Variants in KCNIP4 observed in about 807,000 individuals in gnomAD.
KCNIP4 encodes the protein Kv channel-interacting protein 4.
KCNIP4 carries 12 observed loss-of-function variants against 34.0 expected under a neutral mutation model. The ratio of observed to expected loss-of-function variants is 0.35; its 90% CI spans 0.23 to 0.57. The LOEUF (loss-of-function observed/expected upper bound fraction) is 0.57. KCNIP4 is among the 20% of genes least tolerant of loss of function. The probability of loss-of-function intolerance (pLI) is 0.83; values close to 1 mark genes in which losing one functional copy is unlikely to be tolerated. For missense variants in KCNIP4, 238 were observed against 311.7 expected (o/e 0.76, Z 1.78); for synonymous variants, 124 against 102.2 (o/e 1.21, Z -1.29).
chr4:21,474,383 G>C (rs1730737277), intron 1 of KCNIP4, among the ~76,000 whole-genome samples: 1 of 152,108 alleles, frequency 6.6e-6, no homozygotes, highest in Non-Finnish European at 1.5e-5. Flanking sequence ...ATGTTTTTAT[G>C]CTGACTTTAC....
chr4:21,572,633 CTT>C (rs71655642), intron 1 of KCNIP4, among the ~76,000 whole-genome samples: 15 of 140,644 alleles, frequency 1.1e-4, no homozygotes, highest in Non-Finnish European at 1.1e-4. Context: ...GATCTCTCAT[CTT>C]TTTTTTTTTT....
chr4:21,330,578 T>C (rs1315784694), intron 1 of KCNIP4, among the ~76,000 whole-genome samples: 6 of 152,310 alleles, frequency 3.9e-5, no homozygotes. Context: ...ATTAATTCTG[T>C]CAATGAGAAA....
intron 1 of KCNIP4, among the ~76,000 whole-genome samples, chr4:21,621,360 C>T (rs1344381879): frequency 6.6e-6 from 1 of 152,100 alleles, no homozygotes; most frequent in Non-Finnish European, 1.5e-5. Context: ...ATTTTGCCAT[C>T]TTATTACTTA....
intron 1 of KCNIP4, among the ~76,000 whole-genome samples, chr4:21,186,931 G>A (rs1755275084): frequency 6.6e-6 from 1 of 152,022 alleles, no homozygotes; most frequent in South Asian, 2.1e-4. Context: ...TGAGACACTG[G>A]GCCCAGCTCA....
At chr4:21,331,884 T>C (rs1050551403) in intron 1 of KCNIP4, among the ~76,000 whole-genome samples, 1 of 152,070 alleles carries the variant, frequency 6.6e-6, no homozygotes, top group Non-Finnish European at 1.5e-5. Context: ...GTCTGTTTCC[T>C]CCCAATTAGA....
At chr4:20,760,352 C>G (rs1245223091) in intron 3 of KCNIP4, among the ~76,000 whole-genome samples, 1 of 152,174 alleles carries the variant, frequency 6.6e-6, no homozygotes, top group Non-Finnish European at 1.5e-5. Flanking sequence ...AAATTTGATA[C>G]TGTTTCCAGC....
chr4:21,288,733 T>C (rs1763263601), intron 1 of KCNIP4, among the ~76,000 whole-genome samples: 1 of 152,180 alleles, frequency 6.6e-6, no homozygotes, highest in Admixed American at 6.5e-5. Context: ...CACCAGGACA[T>C]CTGTGATACA....
chr4:21,487,620 G>A (rs1225614527), intron 1 of KCNIP4, among the ~76,000 whole-genome samples: 1 of 152,144 alleles, frequency 6.6e-6, no homozygotes, highest in African/African-American at 2.4e-5. Context: ...TTATCAGAAA[G>A]TCTGCAAAAT....
chr4:21,588,247 T>C (rs1201951490), intron 1 of KCNIP4, among the ~76,000 whole-genome samples: 4 of 152,214 alleles, frequency 2.6e-5, no homozygotes, highest in Non-Finnish European at 4.4e-5. Flanking sequence ...AATGAAATCA[T>C]AATGATCTAC....
At chr4:20,802,060 C>A (rs572997377) in intron 3 of KCNIP4, among the ~76,000 whole-genome samples, 1 of 149,712 alleles carries the variant, frequency 6.7e-6, no homozygotes, top group East Asian at 2.0e-4. Context: ...ATATAGTGGT[C>A]TGACAATCAA....
chr4:21,064,562 T>C (rs1744189870), intron 1 of KCNIP4, among the ~76,000 whole-genome samples: 1 of 152,176 alleles, frequency 6.6e-6, no homozygotes. Context: ...ATCTTAGCTA[T>C]AAAATAGGAC....
chr4:21,328,475 G>T (rs1231679500), intron 1 of KCNIP4, among the ~76,000 whole-genome samples: 1 of 152,146 alleles, frequency 6.6e-6, no homozygotes, highest in East Asian at 1.9e-4. Flanking sequence ...AGTGACACAA[G>T]CACCTCTGTG....
At chr4:21,921,885 A>G (rs1177394660) in intron 1 of KCNIP4, among the ~76,000 whole-genome samples, 1 of 152,120 alleles carries the variant, frequency 6.6e-6, no homozygotes, top group Non-Finnish European at 1.5e-5. Context: ...ATTATATCCC[A>G]TCACTTCTCT....
chr4:20,940,928 C>T (rs142570975), intron 1 of KCNIP4, among the ~76,000 whole-genome samples: 6 of 152,294 alleles, frequency 3.9e-5, no homozygotes, highest in African/African-American at 1.4e-4. Flanking sequence ...GGATTCCAGT[C>T]TCAACCATTT....
intron 1 of KCNIP4, among the ~76,000 whole-genome samples, chr4:21,305,925 T>C (rs375299934): frequency 1.3e-4 from 20 of 152,324 alleles, no homozygotes; most frequent in African/African-American, 4.8e-4. Flanking sequence ...ATGATAGCCA[T>C]ATGGGTATAC....
At chr4:21,429,439 T>C (rs1034727558) in intron 1 of KCNIP4, among the ~76,000 whole-genome samples, 2 of 150,464 alleles carry the variant, frequency 1.3e-5, no homozygotes, top group Non-Finnish European at 3.0e-5. Context: ...AAAGCTGCCA[T>C]ACACACTCAC....
At chr4:20,889,098 G>A (rs1380565090) in intron 1 of KCNIP4, among the ~76,000 whole-genome samples, 2 of 152,036 alleles carry the variant, frequency 1.3e-5, no homozygotes, top group Non-Finnish European at 2.9e-5. Flanking sequence ...TTGAAAGCAA[G>A]GATAGAGAAA....
At chr4:21,727,277 C>T (rs1715263731) in intron 1 of KCNIP4, among the ~76,000 whole-genome samples, 1 of 152,132 alleles carries the variant, frequency 6.6e-6, no homozygotes, top group Admixed American at 6.6e-5. Context: ...TGTCCTTCTA[C>T]CATGTGAGGA....
chr4:21,066,089 A>C (rs1048038140), intron 1 of KCNIP4, among the ~76,000 whole-genome samples: 1 of 151,644 alleles, frequency 6.6e-6, no homozygotes, highest in African/African-American at 2.4e-5. Context: ...CAAACAAAAA[A>C]CCTCCATCCC....
Sources: gnomAD v4.1 joint callset for allele counts (sites outside exome capture counted in the v4.1 genomes callset) on GRCh38, gnomAD v4.1.1 for gene constraint, MANE v1.5 for transcripts, NCBI Gene and HGNC (gene_info 2026-07-23, HGNC 2026-07-21) for gene names.